Variants in BAZ2B observed in about 807,000 individuals in gnomAD.
The protein encoded by BAZ2B is bromodomain adjacent to zinc finger domain protein 2B.
A neutral mutation model predicts 246.0 loss-of-function variants in BAZ2B; 91 were observed. That is an observed-to-expected ratio of 0.37 (90% CI 0.31 to 0.44). BAZ2B has a LOEUF of 0.44. Among genes scored for constraint, BAZ2B ranks in the 20% least tolerant of loss-of-function variants. The pLI is 1.00. For missense variants in BAZ2B, 2,332 were observed against 2,533.7 expected, an observed-to-expected ratio of 0.92 and a Z score of 1.71; for synonymous variants, 855 against 860.0, an observed-to-expected ratio of 0.99 and a Z score of 0.10.
At chr2:159,640,171 T>A in the BAZ2B span, among the ~76,000 whole-genome samples, 3 of 152,282 alleles carry the variant, frequency 2.0e-5, no homozygotes, top group African/African-American at 7.2e-5. Flanking sequence ...TAAATACTTA[T>A]ATATCCAACA....
At chr2:159,606,025 C>T (rs1210913647) in intron 1 of BAZ2B, among the ~76,000 whole-genome samples, 1 of 152,172 alleles carries the variant, frequency 6.6e-6, no homozygotes, top group African/African-American at 2.4e-5. Context: ...TCAACTTTTA[C>T]TTCAAATCCC....
intron 2 of BAZ2B, among the ~76,000 whole-genome samples, chr2:159,508,768 C>T (rs947784782): frequency 2.6e-5 from 4 of 152,164 alleles, no homozygotes; most frequent in African/African-American, 7.2e-5. Flanking sequence ...AAATTACTCT[C>T]CGATGTCCTA....
chr2:159,698,469 A>C, the BAZ2B span, among the ~76,000 whole-genome samples: 1 of 147,690 alleles, frequency 6.8e-6, no homozygotes, highest in East Asian at 2.0e-4. Flanking sequence ...GCACCACTGC[A>C]CTCCAGCCTA....
chr2:159,687,898 T>C, the BAZ2B span, among the ~76,000 whole-genome samples: 4 of 152,174 alleles, frequency 2.6e-5, no homozygotes, highest in East Asian at 1.9e-4. Context: ...TTGAATTGCA[T>C]TGGTGTCCAC....
chr2:159,387,725 A>G (rs1049404376), intron 21 of BAZ2B, among the ~76,000 whole-genome samples: 1 of 152,146 alleles, frequency 6.6e-6, no homozygotes, highest in African/African-American at 2.4e-5. Context: ...TATGGCTTAA[A>G]ATGGACTTAC....
chr2:159,661,530 C>G, the BAZ2B span, among the ~76,000 whole-genome samples: 2 of 152,052 alleles, frequency 1.3e-5, no homozygotes, highest in African/African-American at 4.8e-5. Context: ...AAACTGTTTT[C>G]CTAAGTAGTT....
rs137899225 is a variant in BAZ2B, at chr2:159,604,951, T to TGTGTGCGC, written c.-46+11290_-46+11291insGCGCACAC. ...TATATTTTGTGTGTGTGTGTGTGTGTGCGCGTGTGTGCGCGCGCTAGGAGA... is the reference window on the plus strand; with the variant it reads ...TATATTTTGTGTGTGTGTGTGTGTGTGTGTGCGCGCGCGTGTGTGCGCGCGCTAGGAGA... On this transcript the variant is annotated intron_variant, in intron 1 of 36. Coordinates refer to ENST00000392783, the MANE Select transcript of BAZ2B (RefSeq NM_013450.4). Among the ~76,000 whole-genome samples, 891 of 144,422 alleles carry TGTGTGCGC rather than the reference T, an allele frequency of 6.2e-3. 10 individuals carry two copies. Among genetic ancestry groups the TGTGTGCGC allele is most frequent in the African/African-American group, 0.021 (825 of 38,794 alleles). 94.7% of individuals were successfully genotyped at this position (144,422 alleles called of 152,430 possible).
At chr2:159,703,083 CAAAA>C in the BAZ2B span, among the ~76,000 whole-genome samples, 15 of 150,882 alleles carry the variant, frequency 9.9e-5, no homozygotes, top group East Asian at 3.0e-3. Context: ...AAAACAAAAA[CAAAA>C]ACTTTCTTTC....
At chr2:159,654,694 G>C in the BAZ2B span, among the ~76,000 whole-genome samples, 1 of 152,160 alleles carries the variant, frequency 6.6e-6, no homozygotes, top group Non-Finnish European at 1.5e-5. Flanking sequence ...GAAACTACAG[G>C]CCGGGCATGG....
chr2:159,624,475 G>A, the BAZ2B span, among the ~76,000 whole-genome samples: 1 of 152,164 alleles, frequency 6.6e-6, no homozygotes, highest in Non-Finnish European at 1.5e-5. Flanking sequence ...GCCCCTCTGG[G>A]ACGAAGCTTC....
At chr2:159,562,159 T>C (rs981403293) in intron 1 of BAZ2B, among the ~76,000 whole-genome samples, 2 of 152,186 alleles carry the variant, frequency 1.3e-5, no homozygotes, top group African/African-American at 4.8e-5. Flanking sequence ...ATGCATTACA[T>C]TCTTCATTTG....
At chr2:159,628,751 T>C in the BAZ2B span, among the ~76,000 whole-genome samples, 2 of 152,132 alleles carry the variant, frequency 1.3e-5, no homozygotes, top group Non-Finnish European at 2.9e-5. Flanking sequence ...ATTCAGGACA[T>C]AGGCAAGGGC....
At chr2:159,671,608 C>T in the BAZ2B span, among the ~76,000 whole-genome samples, 530 of 152,218 alleles carry the variant, frequency 3.5e-3, 4 homozygotes, top group Non-Finnish European at 5.6e-3. Context: ...TTTTCAGAGG[C>T]CTGGTCAGTC....
rs189448801 is a variant in BAZ2B, at chr2:159,351,069, A to T, written c.4214-712T>A. 1.5e-3 allele frequency among the ~76,000 whole-genome samples: 235 copies of T among 152,194 alleles called. 1 individual carries two copies. The Middle Eastern group carries it at 0.031, about 20-fold the overall frequency. On this transcript the variant is annotated intron_variant, in intron 27 of 36. Coordinates refer to ENST00000392783, the MANE Select transcript of BAZ2B (RefSeq NM_013450.4). ...ACTTAAAGTATAATAATAATAATAA[A>T]AAATTAAAATCCAAAAATATTAAAA...
intron 1 of BAZ2B, among the ~76,000 whole-genome samples, chr2:159,591,273 A>G (rs1050787966): frequency 6.6e-6 from 1 of 152,240 alleles, no homozygotes; most frequent in Non-Finnish European, 1.5e-5. Context: ...ATGAAAATTA[A>G]GTTCCAGACT....
chr2:159,468,750 G>A (rs1256697523), intron 3 of BAZ2B, among the ~76,000 whole-genome samples: 8 of 152,114 alleles, frequency 5.3e-5, no homozygotes. Context: ...CTTCCCTCTA[G>A]AAAGTAGGAA....
chr2:159,465,739 T>C (rs1399001300), intron 3 of BAZ2B, among the ~76,000 whole-genome samples: 3 of 152,066 alleles, frequency 2.0e-5, no homozygotes, highest in Non-Finnish European at 4.4e-5. Context: ...CTGGCCAACA[T>C]GGTGAAACCC....
At chr2:159,611,597 A>C (rs190313925) in intron 1 of BAZ2B, among the ~76,000 whole-genome samples, 7 of 152,062 alleles carry the variant, frequency 4.6e-5, no homozygotes, top group Middle Eastern at 6.9e-3. Flanking sequence ...ATTGTAGAGG[A>C]AGTTTTGAGC....
chr2:159,375,603 T>C (rs764569274), intron 25 of BAZ2B, among the ~76,000 whole-genome samples: 3 of 152,106 alleles, frequency 2.0e-5, no homozygotes, highest in African/African-American at 4.8e-5. Context: ...AGTTGTAAGA[T>C]GGTGTGGAGC....
Sources: allele counts gnomAD v4.1 joint callset (sites outside exome capture counted in the v4.1 genomes callset), GRCh38; gene constraint gnomAD v4.1.1; transcripts MANE v1.5; gene names NCBI Gene and HGNC (gene_info 2026-07-23, HGNC 2026-07-21).